The following NDRG4 variants were observed in gnomAD, a reference collection of about 807,000 sequenced individuals.
NDRG4 encodes protein NDRG4.
Under a neutral mutation model 55.8 loss-of-function variants are expected in NDRG4, and 38 were observed. The observed-to-expected ratio is 0.68, with a 90% CI of 0.53 to 0.89. The LOEUF (loss-of-function observed/expected upper bound fraction) is 0.89. Among genes scored for constraint, NDRG4 ranks in the 40% least tolerant of loss-of-function variants. The probability of loss-of-function intolerance (pLI) is 0.00; values close to 1 mark genes in which losing one functional copy is unlikely to be tolerated. For synonymous variants in NDRG4, 190 were observed against 182.7 expected, an observed-to-expected ratio of 1.04 and a Z score of -0.32; for missense variants, 455 against 468.6, an observed-to-expected ratio of 0.97 and a Z score of 0.27.
At chr16:58,486,459 CAAA>C (rs112193649) in intron 1 of NDRG4, among the ~76,000 whole-genome samples, 2 of 132,134 alleles carry the variant, frequency 1.5e-5, no homozygotes, top group Non-Finnish European at 1.7e-5. Context: ...TGTGCCTGGC[CAAA>C]AAAAAAAAAA....
At chr16:58,495,525 T>G (rs947611673), upstream of NDRG4, 2 of 157,366 alleles carry the variant, frequency 1.3e-5, no homozygotes, top group Non-Finnish European at 2.8e-5. Flanking sequence ...CATCCCGACA[T>G]GCTGAACCAA....
At chr16:58,508,908 A>G in intron 10 of NDRG4, 54 bp from the exon 11 acceptor site, 1 of 1,598,474 alleles carries the variant, frequency 6.3e-7, no homozygotes, top group Non-Finnish European at 8.5e-7. Context: ...CTGCCTTGGC[A>G]ATGGGGGTGG....
intron 2 of NDRG4, among the ~76,000 whole-genome samples, chr16:58,492,784 C>T (rs1358110446): frequency 2.0e-5 from 3 of 152,080 alleles, no homozygotes; most frequent in Admixed American, 2.0e-4. Flanking sequence ...CTTAAGGTCC[C>T]GAGTATAGAC....
chr16:58,474,028 C>CT (rs1168834628), intron 1 of NDRG4, among the ~76,000 whole-genome samples: 5,443 of 101,186 alleles, frequency 0.054, 668 homozygotes, highest in African/African-American at 0.11. Context: ...TTTTCTTTCC[C>CT]TTTTTTTTTT....
At chr16:58,471,609 C>T (rs1428976314) in intron 1 of NDRG4, among the ~76,000 whole-genome samples, 2 of 152,274 alleles carry the variant, frequency 1.3e-5, no homozygotes, top group African/African-American at 2.4e-5. Flanking sequence ...CATCATACAC[C>T]ACCCCCTCCC....
chr16:58,465,266 G>A (rs2031370517), intron 1 of NDRG4: 1 of 501,614 alleles, frequency 2.0e-6, no homozygotes, highest in Non-Finnish European at 3.7e-6. Flanking sequence ...GGGGGAGGGG[G>A]CTGATCACTG....
chr16:58,496,891 A>G (rs993081490), upstream of NDRG4: 46 of 152,200 alleles, frequency 3.0e-4, no homozygotes, highest in African/African-American at 1.0e-3. Context: ...TAAAGAGGGT[A>G]TTAAGAGAGA....
chr16:58,469,823 A>T (rs2032420729), intron 1 of NDRG4, among the ~76,000 whole-genome samples: 1 of 152,214 alleles, frequency 6.6e-6, no homozygotes, highest in Non-Finnish European at 1.5e-5. Context: ...TAACAGCCCT[A>T]GGAGGTATGT....
rs2151862942 is a variant in NDRG4 at position 58,512,445 on chromosome 16, G to C, written c.*869G>C. On this transcript the variant is annotated 3_prime_UTR_variant, in exon 15 of 15. Coordinates refer to ENST00000570248, the MANE Select transcript of NDRG4 (RefSeq NM_001242835.2). ...GGTGGCCAGAGGCAGGGGTAGCTGA[G>C]TTCCTGGAGACCCCTTTTTTGCCCC... The C allele has an allele frequency of 4.0e-6, 1 of 249,346 alleles. No individual in the cohort carries two copies. The highest frequency in any genetic ancestry group is 1.5e-4 in the East Asian group (1 of 6,658). The allele number at this position is 249,346 out of a possible 1,614,324, so 15.4% of individuals were successfully genotyped here.
Position 58,471,186 on chromosome 16 carries a change from CTTTTT to C in NDRG4, c.-24+7411_-24+7415del, listed in dbSNP as rs528375397. On this transcript the variant is annotated intron_variant, in intron 1 of 15. Transcript: ENST00000258187. ...ACTATAAGAGAATGAATGTGTGTTG[CTTTTT>C]TTTTTTTTTTTTTTTTTTTTTGGAG... Among the ~76,000 whole-genome samples, 262 of 67,074 alleles carry C rather than the reference CTTTTT, an allele frequency of 3.9e-3. 3 individuals carry two copies. Among genetic ancestry groups the C allele is most frequent in the African/African-American group, 5.0e-3 (88 of 17,666 alleles). 44.0% of individuals were successfully genotyped at this position (67,074 alleles called of 152,430 possible).
intron 2 of NDRG4, among the ~76,000 whole-genome samples, chr16:58,488,187 G>T (rs568518135): frequency 6.6e-6 from 1 of 152,352 alleles, no homozygotes; most frequent in South Asian, 2.1e-4. Flanking sequence ...TTTCTGGACA[G>T]CCCAGGAGCC....
upstream of NDRG4, among the ~76,000 whole-genome samples, chr16:58,496,725 G>A (rs2036454838): frequency 1.3e-5 from 2 of 152,138 alleles, no homozygotes; most frequent in African/African-American, 4.8e-5. Flanking sequence ...GTGCCCATGG[G>A]CCCCTCATAT....
Position 58,509,358 on chromosome 16 carries a change from T to C in NDRG4, c.865+6T>C. The C allele has an allele frequency of 6.2e-7, 1 of 1,613,282 alleles. No individual in the cohort carries two copies. Among genetic ancestry groups the C allele is most frequent in the Non-Finnish European group, 8.5e-7 (1 of 1,179,902 alleles). ...CCTGCAAGGCATGGGCTACAGTGAG[T>C]ACATTTCCACCCCACCCCACACCAC... On this transcript the variant is annotated splice_donor_region_variant and intron_variant, in intron 13 of 14. Transcript: ENST00000570248.
intron 1 of NDRG4, among the ~76,000 whole-genome samples, chr16:58,486,332 A>AT (rs1189900614): frequency 1.3e-5 from 2 of 150,754 alleles, no homozygotes; most frequent in Non-Finnish European, 3.0e-5. Flanking sequence ...CAGCTACTTT[A>AT]TTTTTTTCGT....
chr16:58,487,853 G>T, intron 2 of NDRG4: 2 of 1,533,422 alleles, frequency 1.3e-6, no homozygotes, highest in Non-Finnish European at 8.8e-7. Flanking sequence ...CCGAGCTGGT[G>T]AGTTGGAGTC....
At chr16:58,474,051 T>A (rs2033264258) in intron 1 of NDRG4, among the ~76,000 whole-genome samples, 2 of 116,846 alleles carry the variant, frequency 1.7e-5, no homozygotes, top group Admixed American at 1.9e-4. Flanking sequence ...TTTTTTTTTT[T>A]TTTGAGAGAG....
At chr16:58,505,673 G>T (rs1457251837) in intron 5 of NDRG4, among the ~76,000 whole-genome samples, 1 of 140,786 alleles carries the variant, frequency 7.1e-6, no homozygotes, top group East Asian at 2.1e-4. Context: ...CTTTGAAAAG[G>T]TTGTTTTTTT....
chr16:58,503,050 C>T (rs1439023788), intron 1 of NDRG4, among the ~76,000 whole-genome samples: 1 of 152,216 alleles, frequency 6.6e-6, no homozygotes, highest in African/African-American at 2.4e-5. Context: ...TGAGGCACAG[C>T]AGAGAAGTAA....
intron 1 of NDRG4, among the ~76,000 whole-genome samples, chr16:58,470,534 C>T (rs1286751661): frequency 1.3e-5 from 2 of 152,176 alleles, no homozygotes; most frequent in African/African-American, 4.8e-5. Context: ...ATTTTGTAGT[C>T]ATGATTGGGG....
Sources: allele counts gnomAD v4.1 joint callset (sites outside exome capture counted in the v4.1 genomes callset), GRCh38; gene constraint gnomAD v4.1.1; transcripts MANE v1.5; gene names NCBI Gene and HGNC (gene_info 2026-07-23, HGNC 2026-07-21).